The following CRYL1 variants were observed in gnomAD, a reference collection of about 807,000 sequenced individuals.
CRYL1 encodes the protein lambda-crystallin homolog.
Under a neutral mutation model 36.6 loss-of-function variants are expected in CRYL1, and 29 were observed. The observed-to-expected ratio is 0.79, with a 90% CI of 0.59 to 1.08. The LOEUF (loss-of-function observed/expected upper bound fraction) is 1.08. Among genes scored for constraint, CRYL1 ranks in the 50% least tolerant of loss-of-function variants. The probability of loss-of-function intolerance (pLI) is 0.00; values close to 1 mark genes in which losing one functional copy is unlikely to be tolerated. For missense variants in CRYL1, 411 were observed against 407.9 expected, an observed-to-expected ratio of 1.01 and a Z score of -0.06; for synonymous variants, 152 against 151.5, an observed-to-expected ratio of 1.00 and a Z score of -0.02.
At chr13:20,439,053 A>AG (rs930615855) in intron 4 of CRYL1, among the ~76,000 whole-genome samples, 1 of 152,108 alleles carries the variant, frequency 6.6e-6, no homozygotes, top group African/African-American at 2.4e-5. Context: ...ACAAGGGGAA[A>AG]AAGTCCTTGA....
At chr13:20,482,319 C>G (rs533288674) in intron 3 of CRYL1, among the ~76,000 whole-genome samples, 2 of 152,140 alleles carry the variant, frequency 1.3e-5, no homozygotes, top group African/African-American at 4.8e-5. Flanking sequence ...ATTTAAACTT[C>G]GTAACTCTAT....
At chr13:20,444,794 G>GCAAC (rs1394705151) in intron 3 of CRYL1, among the ~76,000 whole-genome samples, 4 of 152,212 alleles carry the variant, frequency 2.6e-5, no homozygotes, top group African/African-American at 7.2e-5. Context: ...TCGGCTCACT[G>GCAAC]CAACCTCTGC....
intron 3 of CRYL1, 55 bp from the exon 4 acceptor site, chr13:20,439,809 C>G: frequency 6.6e-7 from 1 of 1,506,444 alleles, no homozygotes; most frequent in South Asian, 1.2e-5. Flanking sequence ...AGGCCCCAAG[C>G]AAAGCATTTC....
intron 3 of CRYL1, among the ~76,000 whole-genome samples, chr13:20,449,317 A>T (rs1044868502): frequency 9.9e-5 from 15 of 152,250 alleles, no homozygotes; most frequent in African/African-American, 2.9e-4. Context: ...AATGTGAAGC[A>T]GTCTAATATT....
chr13:20,459,010 C>T lies in CRYL1; in HGVS notation c.277-19256G>A, dbSNP rs190238005. Among the ~76,000 whole-genome samples, 1,483 of 152,146 alleles carry T rather than the reference C, an allele frequency of 9.7e-3. 17 individuals are homozygous for T. The highest frequency in any genetic ancestry group is 0.034 in the African/African-American group (1,391 of 41,510). On this transcript the variant is annotated intron_variant, in intron 3 of 7. Transcript: ENST00000298248. ...CAGCACTTTGGGAGGCCGAGGCGGG[C>T]GGATCACAAGGTCAGGAGATCAAGA...
chr13:20,457,845 C>T (rs926121121), intron 3 of CRYL1, among the ~76,000 whole-genome samples: 2 of 152,116 alleles, frequency 1.3e-5, no homozygotes, highest in Non-Finnish European at 2.9e-5. Context: ...ATTGTGGCCA[C>T]GGTTATTATC....
At position 20,484,798 on chromosome 13, in the gene CRYL1, T is replaced by C. The variant is rs186566295; in HGVS notation, c.276+4572A>G. On this transcript the variant is annotated intron_variant, in intron 3 of 7. Coordinates refer to ENST00000298248, the MANE Select transcript of CRYL1 (RefSeq NM_015974.3). ...CATATAAATACACAAAAATCTTCAG[T>C]ATTTTTGGAATAATGAACCTAAACA... Among the ~76,000 whole-genome samples, 195 of 152,310 alleles carry C rather than the reference T, an allele frequency of 1.3e-3. 1 individual carries two copies. The highest frequency in any genetic ancestry group is 4.4e-3 in the African/African-American group (181 of 41,556).
chr13:20,505,359 CAAAAAAAAAA>C (rs61380702), intron 2 of CRYL1, among the ~76,000 whole-genome samples: 4 of 91,222 alleles, frequency 4.4e-5, no homozygotes, highest in Non-Finnish European at 9.2e-5. Context: ...TCTATCCCAC[CAAAAAAAAAA>C]AAAAAAAAAA....
chr13:20,427,015 G>T, intron 5 of CRYL1: 1 of 985,520 alleles, frequency 1.0e-6, no homozygotes, highest in Non-Finnish European at 1.2e-6. Context: ...CCTGCCGAGG[G>T]TTGCAGATTC....
At chr13:20,459,219 G>C (rs1224222857) in intron 3 of CRYL1, among the ~76,000 whole-genome samples, 1 of 134,164 alleles carries the variant, frequency 7.5e-6, no homozygotes, top group African/African-American at 2.9e-5. Context: ...CTGGGCGACA[G>C]AGCGAGACTC....
chr13:20,472,463 C>G (rs777931171), intron 3 of CRYL1, among the ~76,000 whole-genome samples: 9 of 152,176 alleles, frequency 5.9e-5, no homozygotes, highest in Non-Finnish European at 1.3e-4. Context: ...CTAAGCACTA[C>G]GCATCGTAGC....
chr13:20,444,350 C>T (rs1481644286), intron 3 of CRYL1, among the ~76,000 whole-genome samples: 2 of 152,170 alleles, frequency 1.3e-5, no homozygotes, highest in South Asian at 2.1e-4. Context: ...TATACCCAAT[C>T]GAGAGAGATC....
chr13:20,503,257 G>C (rs931593674), intron 2 of CRYL1, among the ~76,000 whole-genome samples: 21 of 152,238 alleles, frequency 1.4e-4, no homozygotes, highest in African/African-American at 4.8e-4. Context: ...AGGGAAGTCA[G>C]ATTGAACAAC....
chr13:20,501,442 T>C (rs1300076079), intron 2 of CRYL1, among the ~76,000 whole-genome samples: 1 of 152,208 alleles, frequency 6.6e-6, no homozygotes, highest in Non-Finnish European at 1.5e-5. Flanking sequence ...ACTCCATGTA[T>C]AATGCAGCTT....
intron 6 of CRYL1, among the ~76,000 whole-genome samples, chr13:20,411,309 G>A (rs9506481): frequency 0.77 from 117,209 of 152,070 alleles, 45,347 homozygotes; most frequent in Admixed American, 0.84. Context: ...TTTTCTTATC[G>A]TATCTGCTTT....
chr13:20,479,896 G>A (rs547250655), intron 3 of CRYL1, among the ~76,000 whole-genome samples: 6 of 152,154 alleles, frequency 3.9e-5, no homozygotes, highest in Middle Eastern at 3.2e-3. Flanking sequence ...CTGCCCCTGC[G>A]CTCTCCCACG....
rs529851843 is a variant in CRYL1, at chr13:20,435,732, G to A, written c.439-3436C>T. ...GCCTGCGCAGGCCGGCGGAGCACAA[G>A]GGACGCATTCTTCCCCGCCGCCCGG... On this transcript the variant is annotated intron_variant, in intron 4 of 7. Transcript: ENST00000298248. This position sits in a 1 kb window ranked among gnomAD's most constrained non-coding sequence, Gnocchi z 4.0. Among the ~76,000 whole-genome samples, 31 of 152,330 alleles carry A rather than the reference G, an allele frequency of 2.0e-4. No individual in the cohort carries two copies. The highest frequency in any genetic ancestry group is 4.1e-4 in the Non-Finnish European group (28 of 68,022).
intron 1 of CRYL1, among the ~76,000 whole-genome samples, chr13:20,523,528 A>T (rs2034133529): frequency 6.6e-6 from 1 of 152,124 alleles, no homozygotes; most frequent in Admixed American, 6.5e-5. Context: ...TAAGAATGAA[A>T]CTGAACCAGG....
At chr13:20,431,192 T>A (rs1448067725) in intron 5 of CRYL1, 1 of 985,392 alleles carries the variant, frequency 1.0e-6, no homozygotes, top group Non-Finnish European at 1.2e-6. Flanking sequence ...TCAAGGAAGC[T>A]GGGGCACAGT....
Sources: allele counts gnomAD v4.1 joint callset (sites outside exome capture counted in the v4.1 genomes callset), GRCh38; gene constraint gnomAD v4.1.1; non-coding constraint Gnocchi (gnomAD v3.1); transcripts MANE v1.5; gene names NCBI Gene and HGNC (gene_info 2026-07-23, HGNC 2026-07-21).